IFNLR1: variants seen among roughly 807,000 people sequenced by gnomAD.
IFNLR1 encodes the protein interferon lambda receptor 1.
Under a neutral mutation model 52.5 loss-of-function variants are expected in IFNLR1, and 28 were observed. That is an observed-to-expected ratio of 0.53 (90% CI 0.40 to 0.73). IFNLR1 has a LOEUF of 0.73. Among genes scored for constraint, IFNLR1 ranks in the 30% least tolerant of loss-of-function variants. The pLI is 0.00. For synonymous variants in IFNLR1, 276 were observed against 274.9 expected (o/e 1.00, Z -0.04); for missense variants, 623 against 659.1 (o/e 0.95, Z 0.60).
At chr1:24,181,888 G>A (rs1232041096) in intron 1 of IFNLR1, among the ~76,000 whole-genome samples, 1 of 152,110 alleles carries the variant, frequency 6.6e-6, no homozygotes, top group Non-Finnish European at 1.5e-5. Flanking sequence ...AGGCTATTAG[G>A]CTGTCCGCCA....
chr1:24,180,053 T>C (rs1262901379), intron 2 of IFNLR1, among the ~76,000 whole-genome samples: 2 of 152,018 alleles, frequency 1.3e-5, no homozygotes, highest in Non-Finnish European at 2.9e-5. Flanking sequence ...TCCCAACACT[T>C]TGGGAGGCTG....
In IFNLR1 at chr1:24,161,534, C is replaced by A. The variant is rs1226769282; in HGVS notation, c.510+8G>T. 6.4e-7 allele frequency: 1 copy of A among 1,554,562 alleles called. No individual in the cohort carries two copies. The highest frequency in any genetic ancestry group is 8.7e-7 in the Non-Finnish European group (1 of 1,148,010). On this transcript the variant is annotated splice_region_variant and intron_variant, in intron 4 of 6. Coordinates refer to ENST00000327535, the MANE Select transcript of IFNLR1 (RefSeq NM_170743.4). ...GCCTAGCCTGGGGGCAGGAAAGGAG[C>A]TTCCCACCTTGTTTCCGGCCCCCTC...
rs1344315663 is a variant in IFNLR1, at chr1:24,155,161, TC to T, written c.*1968del. 6.6e-6 allele frequency: 1 copy of T among 152,108 alleles called. No homozygotes were observed. The highest frequency in any genetic ancestry group is 1.5e-5 in the Non-Finnish European group (1 of 68,070). 9.4% of individuals were successfully genotyped at this position (152,108 alleles called of 1,614,324 possible). On this transcript the variant is annotated 3_prime_UTR_variant, in exon 7 of 7. Transcript: ENST00000327535. ...CTGGGCTCAATCATCTGGACAAGCC[TC>T]ACTGCAGGGAAAACCCCTGGGGAGA...
intron 3 of IFNLR1, among the ~76,000 whole-genome samples, chr1:24,165,425 T>C (rs1644508690): frequency 1.3e-5 from 2 of 152,186 alleles, no homozygotes; most frequent in South Asian, 4.1e-4. Context: ...TTCACGATGA[T>C]TGAGGTATTC....
chr1:24,181,402 C>T (rs971720806), intron 1 of IFNLR1, among the ~76,000 whole-genome samples: 1 of 152,208 alleles, frequency 6.6e-6, no homozygotes, highest in African/African-American at 2.4e-5. Flanking sequence ...TTCGAGGCAT[C>T]TCTCCCTCCC....
chr1:24,165,216 C>T (rs751936123), intron 3 of IFNLR1, among the ~76,000 whole-genome samples: 20 of 152,182 alleles, frequency 1.3e-4, no homozygotes, highest in Non-Finnish European at 2.4e-4. Context: ...GTGCCTTCCA[C>T]ATTTTATTTG....
intron 1 of IFNLR1, among the ~76,000 whole-genome samples, chr1:24,185,688 G>A (rs1019878221): frequency 2.0e-5 from 3 of 152,204 alleles, no homozygotes; most frequent in African/African-American, 7.2e-5. Context: ...TGACCAGCAG[G>A]AGACCAGGCT....
rs770738010 is a variant in IFNLR1 at position 24,157,500 on chromosome 1, CAGG to C, written c.1190_1192del (p.Ser397del). 2 of 1,612,552 alleles carry C rather than the reference CAGG, an allele frequency of 1.2e-6. No individual in the cohort carries two copies. The highest frequency in any genetic ancestry group is 1.7e-5 in the Admixed American group (1 of 59,912). ...ATAGCCAGAGGACCCAGCCCTGTCC[CAGG>C]AGGAGTCCACAGTGCTGGCCCAGCT... On this transcript the variant is annotated inframe_deletion, in exon 7 of 7. Transcript: ENST00000327535. The surrounding 1 kb of genome is among the most constrained non-coding windows in gnomAD (Gnocchi z 5.1).
intron 2 of IFNLR1, among the ~76,000 whole-genome samples, chr1:24,176,276 G>A (rs551520805): frequency 3.2e-4 from 49 of 152,324 alleles, no homozygotes; most frequent in African/African-American, 1.1e-3. Context: ...ATGAAATTCT[G>A]GAACAGGCAA....
chr1:24,162,816 TTTC>T lies in IFNLR1; in HGVS notation c.368-1135_368-1133del, dbSNP rs1557644095. ...TCTTTCTTTCTTTTTTCTTTCTTTTTTTCTTCTTTCTTTCTTTTCTTTCTTTCT... is the reference window on the plus strand; with the variant it reads ...TCTTTCTTTCTTTTTTCTTTCTTTTTTTCTTTCTTTCTTTTCTTTCTTTCT... On this transcript the variant is annotated intron_variant, in intron 3 of 6. Coordinates refer to ENST00000327535, the MANE Select transcript of IFNLR1 (RefSeq NM_170743.4). Among the ~76,000 whole-genome samples, 142 of 50,100 alleles carry T rather than the reference TTTC, an allele frequency of 2.8e-3. 4 individuals are homozygous for T. Among genetic ancestry groups the T allele is most frequent in the African/African-American group, 4.2e-3 (68 of 16,358 alleles). The allele number at this position is 50,100 out of a possible 152,430, so 32.9% of individuals were successfully genotyped here.
At chr1:24,186,205 C>G (rs116723496) in intron 1 of IFNLR1, among the ~76,000 whole-genome samples, 1,557 of 152,144 alleles carry the variant, frequency 0.01, 29 homozygotes, top group African/African-American at 0.036. Context: ...CCTGGCTGGC[C>G]TAGTGACCCA....
chr1:24,166,297 T>C (rs1172688161), intron 3 of IFNLR1, among the ~76,000 whole-genome samples: 1 of 152,122 alleles, frequency 6.6e-6, no homozygotes, highest in Non-Finnish European at 1.5e-5. Context: ...TTATTATTCA[T>C]TTATACTTCT....
At chr1:24,177,364 C>G (rs1644643330) in intron 2 of IFNLR1, among the ~76,000 whole-genome samples, 1 of 152,194 alleles carries the variant, frequency 6.6e-6, no homozygotes, top group African/African-American at 2.4e-5. Context: ...GAAAGTGCAG[C>G]CTTCAGTCTG....
chr1:24,182,230 G>A (rs1366718545), intron 1 of IFNLR1, among the ~76,000 whole-genome samples: 7 of 151,640 alleles, frequency 4.6e-5, no homozygotes, highest in African/African-American at 1.5e-4. Flanking sequence ...GTTCCATGAA[G>A]GGCACACTGT....
chr1:24,164,122 G>C (rs1644494310), intron 3 of IFNLR1, among the ~76,000 whole-genome samples: 1 of 152,162 alleles, frequency 6.6e-6, no homozygotes, highest in African/African-American at 2.4e-5. Context: ...AACAGTTGCA[G>C]ACAATCTGGC....
At chr1:24,161,724 G>C (rs759103223) in intron 3 of IFNLR1, 40 bp from the exon 4 acceptor site, 16 of 1,450,592 alleles carry the variant, frequency 1.1e-5, no homozygotes, top group Admixed American at 5.6e-5. Context: ...ATCCCGAGGG[G>C]CCGCACTGCC....
intron 3 of IFNLR1, among the ~76,000 whole-genome samples, chr1:24,162,931 T>C (rs1644478252): frequency 3.0e-5 from 3 of 101,386 alleles, no homozygotes; most frequent in Admixed American, 2.1e-4. Flanking sequence ...CTTTCTTTTC[T>C]TTCTTTCTCT....
intron 3 of IFNLR1, among the ~76,000 whole-genome samples, chr1:24,162,868 T>C (rs183061973): frequency 0.045 from 2,591 of 57,362 alleles, 149 homozygotes; most frequent in Middle Eastern, 0.1. Context: ...TCTTTCTTTC[T>C]TTCTTTCTTT....
In IFNLR1 at chr1:24,162,707, TTTTCTTTCTTTC is replaced by T. The variant is rs1205063032; in HGVS notation, c.368-1035_368-1024del. On this transcript the variant is annotated intron_variant, in intron 3 of 6. Coordinates refer to ENST00000327535, the MANE Select transcript of IFNLR1 (RefSeq NM_170743.4). ...GAGGGCAGAACTCACTTTTCTTTTC[TTTTCTTTCTTTC>T]TTTCTTTTCTTTCTTTCTTTCTTTC... is the stretch of plus-strand genomic sequence containing the variant. Among the ~76,000 whole-genome samples, 114 of 22,192 alleles carry T rather than the reference TTTTCTTTCTTTC, an allele frequency of 5.1e-3. 2 individuals carry two copies. The highest frequency in any genetic ancestry group is 0.015 in the African/African-American group (76 of 5,228). The allele number at this position is 22,192 out of a possible 152,430, so 14.6% of individuals were successfully genotyped here.
Sources: gnomAD v4.1 joint callset for allele counts (sites outside exome capture counted in the v4.1 genomes callset) on GRCh38, gnomAD v4.1.1 for gene constraint, Gnocchi (gnomAD v3.1) non-coding constraint, MANE v1.5 for transcripts, NCBI Gene and HGNC (gene_info 2026-07-23, HGNC 2026-07-21) for gene names.